TRPC4AP: variants seen among roughly 807,000 people sequenced by gnomAD.
TRPC4AP encodes transient receptor potential cation channel subfamily C member 4 associated protein, also known as short transient receptor potential channel 4-associated protein.
Under a neutral mutation model 99.0 loss-of-function variants are expected in TRPC4AP, and 45 were observed. The ratio of observed to expected loss-of-function variants is 0.45; its 90% CI spans 0.36 to 0.58. The LOEUF is 0.58. Among genes scored for constraint, TRPC4AP ranks in the 20% least tolerant of loss-of-function variants. TRPC4AP has a pLI of 0.00. For missense variants in TRPC4AP, 879 were observed against 985.3 expected (o/e 0.89, Z 1.44); for synonymous variants, 408 against 385.8 (o/e 1.06, Z -0.67).
intron 9 of TRPC4AP, 128 bp from the exon 10 acceptor site, chr20:35,016,267 G>A: frequency 8.8e-7 from 1 of 1,137,252 alleles, no homozygotes; most frequent in South Asian, 1.4e-5. Flanking sequence ...GGAGGGCCAG[G>A]GTCTGAAGAA....
chr20:35,006,466 C>T lies in TRPC4AP; in HGVS notation c.1796G>A (p.Arg599Lys), dbSNP rs1028258069. The stretch of plus-strand genomic sequence containing the variant: ...ATCGGTGTTGATATATTTATTGAAT[C>T]TCTTGAATGCATCAACGTTGAACTT... ...LMKFNVDAFK[R>K]FNKYINTDAK... The change falls in exon 15 of 19, where the codon AGA becomes AAA. Residue 599 changes from arginine to lysine, a missense_variant. This residue lies in a region of TRPC4AP where 224 missense variants were observed against 264.7 expected (regional missense o/e 0.85). Transcript: ENST00000252015. 2 of 1,614,238 alleles carry T rather than the reference C, an allele frequency of 1.2e-6. No homozygotes were observed. Among genetic ancestry groups the T allele is most frequent in the African/African-American group, 1.3e-5 (1 of 75,052 alleles).
intron 1 of TRPC4AP, among the ~76,000 whole-genome samples, chr20:35,084,372 C>A (rs1374257287): frequency 1.3e-5 from 2 of 151,524 alleles, no homozygotes; most frequent in Non-Finnish European, 2.9e-5. Flanking sequence ...TCACTTGTAC[C>A]CCATTAATAC....
chr20:35,021,178 A>G lies in TRPC4AP; in HGVS notation c.1218+12T>C. ...TGCTCCCCGTGTCCTGAGACGCTGG[A>G]GAGGGGCCCACCTGGTTTCGCTGAC... On this transcript the variant is annotated intron_variant, in intron 9 of 18. Transcript: ENST00000252015. 1 of 1,607,852 alleles carries G rather than the reference A, an allele frequency of 6.2e-7. No homozygotes were observed. The highest frequency in any genetic ancestry group is 2.2e-5 in the East Asian group (1 of 44,734).
At chr20:35,055,673 A>G (rs889697212) in intron 4 of TRPC4AP, among the ~76,000 whole-genome samples, 1 of 152,256 alleles carries the variant, frequency 6.6e-6, no homozygotes, top group African/African-American at 2.4e-5. Flanking sequence ...CGCCTGGCTA[A>G]AAGTTAAAAG....
Position 35,013,053 on chromosome 20 carries a change from T to C in TRPC4AP, c.1364A>G (p.Lys455Arg). 6.2e-7 allele frequency: 1 copy of C among 1,614,146 alleles called. No homozygotes were observed. The highest frequency in any genetic ancestry group is 8.5e-7 in the Non-Finnish European group (1 of 1,180,036). The change falls in exon 11 of 19, where the codon AAG becomes AGG. Residue 455 changes from lysine (K) to arginine (R), a missense_variant. By Grantham distance (26) the Lys-to-Arg change is conservative. Coordinates refer to ENST00000252015, the MANE Select transcript of TRPC4AP (RefSeq NM_015638.3). ...NCDCSPDITL[K>R]IQFLRLLQSF... Reference sequence around the variant, plus strand: ...CTGAAGAAGCCTCAAAAACTGTATCTTCAAGGTGATGTCCTGAAACACATG... The same window carrying C: ...CTGAAGAAGCCTCAAAAACTGTATCCTCAAGGTGATGTCCTGAAACACATG...
intron 9 of TRPC4AP, among the ~76,000 whole-genome samples, chr20:35,020,863 C>T (rs2082869593): frequency 6.6e-6 from 1 of 152,158 alleles, no homozygotes; most frequent in African/African-American, 2.4e-5. Context: ...ATCAGGTTGG[C>T]AACTCCTCTA....
chr20:35,015,614 C>T (rs1336190121), intron 10 of TRPC4AP, among the ~76,000 whole-genome samples: 3 of 151,920 alleles, frequency 2.0e-5, no homozygotes, highest in African/African-American at 7.3e-5. Flanking sequence ...AGGCACCCAA[C>T]ACCATACCTG....
chr20:35,053,447 G>A lies in TRPC4AP; in HGVS notation c.528+1529C>T, dbSNP rs77125017. ...CTAGTGACTATATGGAGTTGCCAAA[G>A]ATGGAGTCATTATATTATACACTGT... is the stretch of plus-strand genomic sequence containing the variant. On this transcript the variant is annotated intron_variant, in intron 5 of 18. Transcript: ENST00000252015. 7.2e-3 allele frequency among the ~76,000 whole-genome samples: 1,096 copies of A among 152,302 alleles called. 17 individuals are homozygous for A. The highest frequency in any genetic ancestry group is 0.025 in the African/African-American group (1,059 of 41,562).
chr20:35,044,666 G>A lies in TRPC4AP; in HGVS notation c.704C>T (p.Ser235Phe). ...DEVPNLSSLV[S>F]NFDQQQLANF... ...AGCGAGCTGCTGCTGATCGAAATTGGATACTAAGGAACTCAGATTGGGGAC... is the reference window on the plus strand; with the variant it reads ...AGCGAGCTGCTGCTGATCGAAATTGAATACTAAGGAACTCAGATTGGGGAC... The change falls in exon 7 of 19, where the codon TCC (serine) becomes TTC (phenylalanine). Residue 235 changes from serine (S) to phenylalanine (F), a missense_variant. Ser to Phe is a radical substitution (Grantham distance 155, BLOSUM62 -2). Coordinates refer to ENST00000252015, the MANE Select transcript of TRPC4AP (RefSeq NM_015638.3). 6.2e-7 allele frequency: 1 copy of A among 1,614,170 alleles called. No individual in the cohort carries two copies. The highest frequency in any genetic ancestry group is 8.5e-7 in the Non-Finnish European group (1 of 1,180,034).
intron 7 of TRPC4AP, among the ~76,000 whole-genome samples, chr20:35,041,989 TA>T (rs1304466241): frequency 6.6e-6 from 1 of 152,230 alleles, no homozygotes; most frequent in Non-Finnish European, 1.5e-5. Context: ...AGCTCTGAGG[TA>T]TAATTTAGTT....
intron 17 of TRPC4AP, 51 bp downstream of exon 17, chr20:35,004,407 A>C: frequency 1.3e-6 from 2 of 1,504,580 alleles, no homozygotes; most frequent in Non-Finnish European, 1.8e-6. Flanking sequence ...AGGACAAAGG[A>C]AGTGGTTTCC....
chr20:35,028,949 A>T (rs369119465), intron 8 of TRPC4AP, among the ~76,000 whole-genome samples: 1 of 152,078 alleles, frequency 6.6e-6, no homozygotes, highest in African/African-American at 2.4e-5. Flanking sequence ...TTTTTGTTTT[A>T]AAGTCTCTCC....
At chr20:35,088,965 A>C (rs937071652) in intron 1 of TRPC4AP, among the ~76,000 whole-genome samples, 2 of 152,110 alleles carry the variant, frequency 1.3e-5, no homozygotes, top group Non-Finnish European at 2.9e-5. Context: ...GTAGTTTCAG[A>C]TTTGCAAGAT....
In TRPC4AP at chr20:35,021,318, TCTC is replaced by T. The variant is rs778834242; in HGVS notation, c.1087_1089del (p.Glu363del). The T allele has an allele frequency of 2.1e-5, 34 of 1,614,012 alleles. No homozygotes were observed. The highest frequency in any genetic ancestry group is 2.9e-5 in the Non-Finnish European group (34 of 1,180,026). ...CTGGCTGACGTGTGAGGCAGGCCAT[TCTC>T]CTCAGAAGCCCCTGGAGGAGGGAAC... On this transcript the variant is annotated inframe_deletion, in exon 9 of 19. Coordinates refer to ENST00000252015, the MANE Select transcript of TRPC4AP (RefSeq NM_015638.3).
At chr20:35,015,355 A>AAGC (rs2147282827) in intron 10 of TRPC4AP, among the ~76,000 whole-genome samples, 1 of 152,228 alleles carries the variant, frequency 6.6e-6, no homozygotes, top group East Asian at 1.9e-4. Flanking sequence ...AAATAAGGAA[A>AAGC]AGCAGGCTGC....
At chr20:35,005,005 G>C (rs1217011068) in intron 16 of TRPC4AP, among the ~76,000 whole-genome samples, 1 of 152,200 alleles carries the variant, frequency 6.6e-6, no homozygotes, top group Non-Finnish European at 1.5e-5. Context: ...CCGGCCCAGT[G>C]CTGAGACCAC....
At chr20:35,059,611 T>C (rs1198273924) in intron 3 of TRPC4AP, among the ~76,000 whole-genome samples, 1 of 151,822 alleles carries the variant, frequency 6.6e-6, no homozygotes, top group Non-Finnish European at 1.5e-5. Flanking sequence ...TGAGCTATGA[T>C]CATGCCAATA....
intron 9 of TRPC4AP, among the ~76,000 whole-genome samples, chr20:35,020,666 A>G (rs1456061809): frequency 6.6e-6 from 1 of 152,006 alleles, no homozygotes; most frequent in Non-Finnish European, 1.5e-5. Context: ...GCTACTTCTC[A>G]ATAGTCTTGA....
intron 1 of TRPC4AP, among the ~76,000 whole-genome samples, chr20:35,090,401 A>C (rs2085023469): frequency 6.1e-5 from 1 of 16,278 alleles, no homozygotes; most frequent in African/African-American, 2.8e-4. Context: ...TTTTGAGATG[A>C]AGTCTCACTA....
Sources: gnomAD v4.1 joint callset for allele counts (sites outside exome capture counted in the v4.1 genomes callset) on GRCh38, gnomAD v4.1.1 for gene constraint, gnomAD v4.1.1 regional missense constraint, MANE v1.5 for transcripts, NCBI Gene and HGNC (gene_info 2026-07-23, HGNC 2026-07-21) for gene names.